Variants in SAXO1 observed in about 807,000 individuals in gnomAD.
SAXO1 encodes the protein 4930500O09Rik.
A neutral mutation model predicts 17.5 loss-of-function variants in SAXO1; 21 were observed. The ratio of observed to expected loss-of-function variants is 1.20; its 90% CI spans 0.85 to 1.72. The LOEUF (loss-of-function observed/expected upper bound fraction) is 1.72. Among genes scored for constraint, SAXO1 ranks in the 40% most tolerant of loss-of-function variants. The pLI, the probability that SAXO1 is intolerant of heterozygous loss-of-function variation, is 0.00. For synonymous variants in SAXO1, 274 were observed against 216.5 expected, an observed-to-expected ratio of 1.27 and a Z score of -2.33; for missense variants, 843 against 596.0, an observed-to-expected ratio of 1.41 and a Z score of -4.32.
chr9:19,042,064 A>T (rs1365229032), intron 1 of SAXO1, among the ~76,000 whole-genome samples: 2 of 152,044 alleles, frequency 1.3e-5, no homozygotes, highest in African/African-American at 4.8e-5. Flanking sequence ...AATTAATCAG[A>T]ATATATAAGG....
intron 3 of SAXO1, among the ~76,000 whole-genome samples, chr9:18,935,759 G>T (rs1447055230): frequency 3.3e-5 from 5 of 152,206 alleles, no homozygotes; most frequent in African/African-American, 1.2e-4. Flanking sequence ...GACTAACTCA[G>T]AAGTTGTCTT....
In SAXO1 at chr9:19,028,066, G is replaced by A. The variant is rs574615807; in HGVS notation, c.38+4805C>T. 9 of 1,611,848 alleles carry A rather than the reference G, an allele frequency of 5.6e-6. No individual in the cohort carries two copies. The African/African-American group carries it at 8.0e-5, about 14-fold the overall frequency. ...CAGGGGTGCCACGGAGCTCACCCAC[G>A]AGGACTACATGGAAGGCATCCTGGA... is the stretch of plus-strand genomic sequence containing the variant. On this transcript the variant is annotated intron_variant, in intron 1 of 3. Transcript: ENST00000380534.
intron 1 of SAXO1, among the ~76,000 whole-genome samples, chr9:19,023,483 A>G (rs1835335139): frequency 6.6e-6 from 1 of 152,158 alleles, no homozygotes; most frequent in African/African-American, 2.4e-5. Context: ...ACAGAAATAG[A>G]AACTTCACTG....
chr9:18,950,401 T>C (rs1023254552), intron 2 of SAXO1, among the ~76,000 whole-genome samples: 13 of 152,244 alleles, frequency 8.5e-5, no homozygotes, highest in Admixed American at 3.3e-4. Flanking sequence ...CTGGAGCTTT[T>C]CATGTAACAA....
intron 1 of SAXO1, chr9:19,027,032 C>G (rs79435894): frequency 2.4e-6 from 2 of 834,404 alleles, no homozygotes; most frequent in East Asian, 5.0e-5. Context: ...TGAGAGTCAC[C>G]CATGAGCTCC....
intron 3 of SAXO1, among the ~76,000 whole-genome samples, chr9:18,930,021 C>T (rs1388431625): frequency 6.6e-6 from 1 of 152,210 alleles, no homozygotes; most frequent in South Asian, 2.1e-4. Flanking sequence ...CTCAGAGGAG[C>T]TAAGAAACTT....
chr9:18,946,764 C>A (rs1315816100), intron 2 of SAXO1, among the ~76,000 whole-genome samples: 1 of 151,926 alleles, frequency 6.6e-6, no homozygotes, highest in Non-Finnish European at 1.5e-5. Context: ...AAAGTAAGGC[C>A]ATAATGAATT....
chr9:19,003,465 G>A (rs569080437), intron 1 of SAXO1, among the ~76,000 whole-genome samples: 9 of 152,248 alleles, frequency 5.9e-5, no homozygotes, highest in African/African-American at 2.2e-4. Flanking sequence ...AACAAAGCTG[G>A]AGGCATCATG....
chr9:18,973,888 A>T (rs1186510777), intron 1 of SAXO1, among the ~76,000 whole-genome samples: 1 of 152,178 alleles, frequency 6.6e-6, no homozygotes, highest in Non-Finnish European at 1.5e-5. Context: ...TCCATATGAC[A>T]CTCTCAAAGC....
At chr9:18,967,412 G>A (rs887971817) in intron 1 of SAXO1, among the ~76,000 whole-genome samples, 2 of 152,286 alleles carry the variant, frequency 1.3e-5, no homozygotes, top group Non-Finnish European at 2.9e-5. Flanking sequence ...CCCCTGACTG[G>A]GGCTGTTGCC....
intron 1 of SAXO1, chr9:19,027,427 C>T: frequency 1.3e-6 from 1 of 756,394 alleles, no homozygotes. Context: ...CAAGCAGATC[C>T]AGGAACTGGT....
In SAXO1 at chr9:18,928,409, C is replaced by T. The variant is rs1202596515; in HGVS notation, c.1068G>A (p.Lys356=). Residue 356 remains lysine (K), a synonymous_variant, in exon 4 of 4, where the codon AAG becomes AAA. Transcript: ENST00000380534. ...TGGGCAAGTCCAGCTGGGGAACGGG[C>T]TTGACTGGCTCTGTGCGCATGCTGG... The part of the protein sequence containing the change: ...QWSSMRTEPV[K]PVPQLDLPTE... 3.7e-6 allele frequency: 6 copies of T among 1,609,522 alleles called. No homozygotes were observed. The highest frequency in any genetic ancestry group is 5.1e-6 in the Non-Finnish European group (6 of 1,177,574).
intron 1 of SAXO1, among the ~76,000 whole-genome samples, chr9:19,022,064 C>T (rs542371367): frequency 2.0e-5 from 3 of 152,220 alleles, no homozygotes; most frequent in Admixed American, 6.5e-5. Flanking sequence ...TCCTTGGGTC[C>T]GCACTATCTT....
chr9:19,025,463 A>T (rs911290265), intron 1 of SAXO1, among the ~76,000 whole-genome samples: 1 of 152,222 alleles, frequency 6.6e-6, no homozygotes, highest in African/African-American at 2.4e-5. Flanking sequence ...ATTTTCCAAA[A>T]TTAAAATAAC....
chr9:19,037,144 G>A (rs964328996), upstream of SAXO1, among the ~76,000 whole-genome samples: 1 of 152,176 alleles, frequency 6.6e-6, no homozygotes, highest in African/African-American at 2.4e-5. Flanking sequence ...TATTTACCCA[G>A]TACCTATATC....
chr9:18,944,605 G>C (rs1159628624), intron 2 of SAXO1, among the ~76,000 whole-genome samples: 1 of 152,194 alleles, frequency 6.6e-6, no homozygotes, highest in Admixed American at 6.5e-5. Context: ...TTTTAGGTAA[G>C]TAGCTATAAA....
intron 1 of SAXO1, among the ~76,000 whole-genome samples, chr9:18,958,245 G>A (rs1236406484): frequency 6.6e-6 from 1 of 152,098 alleles, no homozygotes; most frequent in African/African-American, 2.4e-5. Context: ...CCAACATGGT[G>A]AAACCTTGTC....
chr9:18,928,579 T>G lies in SAXO1; in HGVS notation c.898A>C (p.Arg300=), dbSNP rs140738273. ...TGCACTGTTGTCAGAAGATCCATCC[T>G]GTCTTCGGGAGGGACGTAGGTGATG... The part of the protein sequence containing the change: ...APITYVPPED[R]MDLLTTVQAH... The change falls in exon 4 of 4, where the codon AGG becomes CGG. Residue 300 remains arginine (R), a synonymous_variant. Transcript: ENST00000380534. 6.2e-7 allele frequency: 1 copy of G among 1,614,148 alleles called. No homozygotes were observed. The highest frequency in any genetic ancestry group is 8.5e-7 in the Non-Finnish European group (1 of 1,180,028).
intron 1 of SAXO1, among the ~76,000 whole-genome samples, chr9:19,040,326 T>C (rs1354689497): frequency 6.6e-6 from 1 of 152,092 alleles, no homozygotes; most frequent in Non-Finnish European, 1.5e-5. Context: ...TACGACTCAT[T>C]TAGCATGGGT....
Sources: allele counts gnomAD v4.1 joint callset (sites outside exome capture counted in the v4.1 genomes callset), GRCh38; gene constraint gnomAD v4.1.1; transcripts MANE v1.5; gene names NCBI Gene and HGNC (gene_info 2026-07-23, HGNC 2026-07-21).